Variants in XRCC4 observed in about 807,000 individuals in gnomAD.
XRCC4 encodes the protein X-ray repair cross complementing 4.
Under a neutral mutation model 39.1 loss-of-function variants are expected in XRCC4, and 28 were observed. The observed-to-expected ratio is 0.72, with a 90% confidence interval of 0.53 to 0.98. The LOEUF is 0.98. XRCC4 is among the 50% of genes least tolerant of loss of function. The pLI is 0.00. For synonymous variants in XRCC4, 123 were observed against 126.4 expected (o/e 0.97, Z 0.18); for missense variants, 350 against 376.4 (o/e 0.93, Z 0.58).
chr5:83,165,291 A>G lies in XRCC4; in HGVS notation c.316-30479A>G, dbSNP rs1022297342. Reference sequence around the variant, plus strand: ...CTTAGCATGTCTTGAAGTAATAAACATGTCTCTGATTAGGTGAATCAATAG... The same window carrying G: ...CTTAGCATGTCTTGAAGTAATAAACGTGTCTCTGATTAGGTGAATCAATAG... On this transcript the variant is annotated intron_variant, in intron 3 of 7. Coordinates refer to ENST00000396027, the MANE Select transcript of XRCC4 (RefSeq NM_003401.5). Among the ~76,000 whole-genome samples the G allele has an allele frequency of 3.7e-4, 55 of 147,460 alleles. 1 individual carries two copies. Among genetic ancestry groups the G allele is most frequent in the Admixed American group, 3.2e-3 (48 of 14,926 alleles).
chr5:83,207,806 C>G (rs898101110), intron 6 of XRCC4, among the ~76,000 whole-genome samples: 4 of 151,956 alleles, frequency 2.6e-5, no homozygotes, highest in African/African-American at 7.2e-5. Flanking sequence ...TTTTGGTACT[C>G]TATGTAGTAT....
chr5:83,367,330 C>A, the XRCC4 span, among the ~76,000 whole-genome samples: 1 of 152,170 alleles, frequency 6.6e-6, no homozygotes, highest in African/African-American at 2.4e-5. Flanking sequence ...TATGTCCAAG[C>A]CCCACCAATG....
chr5:83,358,888 G>A, the XRCC4 span, among the ~76,000 whole-genome samples: 1 of 152,176 alleles, frequency 6.6e-6, no homozygotes, highest in African/African-American at 2.4e-5. Flanking sequence ...GCATAAAACA[G>A]GAAAGGCGGA....
At chr5:83,168,734 C>G (rs1749596525) in intron 3 of XRCC4, among the ~76,000 whole-genome samples, 1 of 151,970 alleles carries the variant, frequency 6.6e-6, no homozygotes. Context: ...AACACAAACA[C>G]AAGAAAATTA....
intron 7 of XRCC4, among the ~76,000 whole-genome samples, chr5:83,295,133 CT>C (rs1208782060): frequency 6.6e-6 from 1 of 151,888 alleles, no homozygotes; most frequent in Non-Finnish European, 1.5e-5. Context: ...CTTCTTAAAT[CT>C]TTTTATATAC....
chr5:83,304,675 A>G (rs1277795311), intron 7 of XRCC4, among the ~76,000 whole-genome samples: 2 of 152,082 alleles, frequency 1.3e-5, no homozygotes, highest in Non-Finnish European at 2.9e-5. Flanking sequence ...TCTTGGTCAA[A>G]TTTACCTTTG....
At chr5:83,204,951 T>G (rs1333366467) in intron 6 of XRCC4, 30 bp downstream of exon 6, 2 of 1,446,364 alleles carry the variant, frequency 1.4e-6, no homozygotes, top group African/African-American at 2.8e-5. Flanking sequence ...ATCTCCTCTG[T>G]TGAATATCTT....
intron 6 of XRCC4, among the ~76,000 whole-genome samples, chr5:83,249,358 A>G (rs920195167): frequency 6.6e-6 from 1 of 152,170 alleles, no homozygotes; most frequent in African/African-American, 2.4e-5. Context: ...TAGTTAGGAC[A>G]TGTCTAGTGT....
At chr5:83,268,959 A>G (rs1291664710) in intron 7 of XRCC4, among the ~76,000 whole-genome samples, 1 of 152,194 alleles carries the variant, frequency 6.6e-6, no homozygotes, top group Non-Finnish European at 1.5e-5. Flanking sequence ...ATTGAAGTTT[A>G]TCTTGGGTTA....
chr5:83,270,607 C>T (rs1754107176), intron 7 of XRCC4, among the ~76,000 whole-genome samples: 1 of 151,966 alleles, frequency 6.6e-6, no homozygotes, highest in Non-Finnish European at 1.5e-5. Flanking sequence ...TTATACTTCT[C>T]CGCATGTCTC....
At chr5:83,124,238 G>C (rs992115659) in intron 3 of XRCC4, among the ~76,000 whole-genome samples, 1 of 152,036 alleles carries the variant, frequency 6.6e-6, no homozygotes, top group Non-Finnish European at 1.5e-5. Context: ...TTACCTCAAA[G>C]AAACCTCTTT....
intron 3 of XRCC4, among the ~76,000 whole-genome samples, chr5:83,194,690 T>C (rs973711310): frequency 1.3e-5 from 2 of 152,228 alleles, no homozygotes; most frequent in African/African-American, 4.8e-5. Flanking sequence ...CTCATTTTAC[T>C]CTTCTACGGA....
intron 3 of XRCC4, among the ~76,000 whole-genome samples, chr5:83,181,469 C>T (rs1383031159): frequency 8.5e-6 from 1 of 117,982 alleles, no homozygotes; most frequent in Admixed American, 7.6e-5. Flanking sequence ...TAAAATGCAT[C>T]AGTTCTTTTT....
At chr5:83,233,421 T>C (rs1024774145) in intron 6 of XRCC4, among the ~76,000 whole-genome samples, 4 of 152,142 alleles carry the variant, frequency 2.6e-5, no homozygotes, top group Non-Finnish European at 4.4e-5. Flanking sequence ...AGGTTGCTGA[T>C]GTTAATAATC....
chr5:83,183,225 CTT>C (rs968453506), intron 3 of XRCC4, among the ~76,000 whole-genome samples: 27 of 151,104 alleles, frequency 1.8e-4, no homozygotes, highest in African/African-American at 6.7e-4. Context: ...GATGCTCTCT[CTT>C]GATATGAATC....
chr5:83,333,865 G>A (rs967105939), intron 7 of XRCC4, among the ~76,000 whole-genome samples: 29 of 151,758 alleles, frequency 1.9e-4, no homozygotes, highest in Non-Finnish European at 4.0e-4. Flanking sequence ...CACCTCCCAG[G>A]TTCAAGCGAT....
chr5:83,217,943 A>G (rs1751927282), intron 6 of XRCC4, among the ~76,000 whole-genome samples: 1 of 152,070 alleles, frequency 6.6e-6, no homozygotes, highest in Admixed American at 6.5e-5. Flanking sequence ...TAGCAATTTG[A>G]CATTAACTTG....
At chr5:83,300,006 T>C (rs1471920006) in intron 7 of XRCC4, among the ~76,000 whole-genome samples, 1 of 152,224 alleles carries the variant, frequency 6.6e-6, no homozygotes, top group Non-Finnish European at 1.5e-5. Flanking sequence ...AGGCTTAGTA[T>C]GAAGATGTTT....
At chr5:83,101,118 A>G (rs1417070752) in intron 1 of XRCC4, among the ~76,000 whole-genome samples, 1 of 152,136 alleles carries the variant, frequency 6.6e-6, no homozygotes, top group Non-Finnish European at 1.5e-5. Context: ...AGGATCATCT[A>G]ATGAGAGATT....
Sources: gnomAD v4.1 joint callset for allele counts (sites outside exome capture counted in the v4.1 genomes callset) on GRCh38, gnomAD v4.1.1 for gene constraint, MANE v1.5 for transcripts, NCBI Gene and HGNC (gene_info 2026-07-23, HGNC 2026-07-21) for gene names.